ARPC2: variants seen among roughly 807,000 people sequenced by gnomAD.
ARPC2 encodes actin-related protein 2/3 complex subunit 2.
ARPC2 carries 4 observed loss-of-function variants against 38.6 expected under a neutral mutation model. The observed-to-expected ratio is 0.10, with a 90% CI of 0.05 to 0.24. The LOEUF is 0.24. ARPC2 is among the 10% of genes least tolerant of loss of function. The pLI, the probability that ARPC2 is intolerant of heterozygous loss-of-function variation, is 1.00. For missense variants in ARPC2, 229 were observed against 387.3 expected, an observed-to-expected ratio of 0.59 and a Z score of 3.43; for synonymous variants, 125 against 140.8, an observed-to-expected ratio of 0.89 and a Z score of 0.79.
In ARPC2 at chr2:218,217,561, G is replaced by T. The variant is rs1256077791; in HGVS notation, c.74+17G>T. The T allele has an allele frequency of 1.9e-6, 3 of 1,603,518 alleles. No homozygotes were observed. Among genetic ancestry groups the T allele is most frequent in the Non-Finnish European group, 2.6e-6 (3 of 1,174,600 alleles). On this transcript the variant is annotated intron_variant, in intron 2 of 10. Coordinates refer to ENST00000315717, the MANE Select transcript of ARPC2 (RefSeq NM_152862.3). Reference sequence around the variant, plus strand: ...GGCCGCCGGGTGAGCGCGCGCCCGGGGCCGGGGGTGGCGGGGGAAGCAGAG... The same window carrying T: ...GGCCGCCGGGTGAGCGCGCGCCCGGTGCCGGGGGTGGCGGGGGAAGCAGAG...
intron 4 of ARPC2, 28 bp from the exon 5 acceptor site, chr2:218,234,324 T>C: frequency 1.3e-6 from 2 of 1,538,964 alleles, no homozygotes; most frequent in Non-Finnish European, 1.8e-6. Context: ...ATTAACGTAT[T>C]TGGTTTTGTT....
chr2:218,233,405 C>T (rs1325906565), intron 4 of ARPC2: 5 of 151,788 alleles, frequency 3.3e-5, no homozygotes, highest in Non-Finnish European at 7.4e-5. Context: ...ACATTCAAAC[C>T]ATAGCAGAAG....
intron 4 of ARPC2, among the ~76,000 whole-genome samples, chr2:218,231,343 A>C (rs1196522306): frequency 6.6e-6 from 1 of 152,196 alleles, no homozygotes; most frequent in Non-Finnish European, 1.5e-5. Context: ...GTTGAACATG[A>C]TATAAATTTG....
intron 7 of ARPC2, among the ~76,000 whole-genome samples, chr2:218,243,159 T>A (rs1409024749): frequency 1.3e-5 from 2 of 152,244 alleles, no homozygotes; most frequent in Non-Finnish European, 2.9e-5. Context: ...TGATCTTTTT[T>A]TCCTAAATGG....
chr2:218,234,759 C>G, intron 5 of ARPC2: 1 of 475,602 alleles, frequency 2.1e-6, no homozygotes. Flanking sequence ...AGTAATTCTG[C>G]ATACTACATA....
Position 218,222,860 on chromosome 2 carries a change from T to G in ARPC2, c.75-3060T>G, listed in dbSNP as rs144953065. On this transcript the variant is annotated intron_variant, in intron 2 of 10. Transcript: ENST00000315717. ...TGGGGGTAGATATTGAATAAGTAACTACTACATATTAAGTAAGCACCGTGC... is the reference window on the plus strand; with the variant it reads ...TGGGGGTAGATATTGAATAAGTAACGACTACATATTAAGTAAGCACCGTGC... Among the ~76,000 whole-genome samples the G allele has an allele frequency of 4.8e-3, 738 of 152,284 alleles. 3 individuals are homozygous for G. Among genetic ancestry groups the G allele is most frequent in the Non-Finnish European group, 8.4e-3 (570 of 68,018 alleles).
chr2:218,237,093 C>T (rs1196833233), intron 5 of ARPC2, among the ~76,000 whole-genome samples: 2 of 152,162 alleles, frequency 1.3e-5, no homozygotes, highest in Non-Finnish European at 2.9e-5. Context: ...ATGTTCTGCA[C>T]CCGTATTGAT....
In ARPC2 at chr2:218,250,869, T is replaced by C. The variant is rs546485109; in HGVS notation, c.878+948T>C. On this transcript the variant is annotated intron_variant, in intron 10 of 10. Coordinates refer to ENST00000315717, the MANE Select transcript of ARPC2 (RefSeq NM_152862.3). ...GGTTTTTGTTTGTTTGTTTGTTTTT[T>C]GGTGGGGGTGTTGGGGGAGACAGAG... 3.9e-5 allele frequency among the ~76,000 whole-genome samples: 6 copies of C among 152,036 alleles called. 1 individual carries two copies. The South Asian group carries it at 1.2e-3, about 32-fold the overall frequency.
At chr2:218,240,144 G>A (rs1689879086) in intron 7 of ARPC2, among the ~76,000 whole-genome samples, 1 of 151,890 alleles carries the variant, frequency 6.6e-6, no homozygotes, top group African/African-American at 2.4e-5. Flanking sequence ...TAGTAGAGAT[G>A]GGGTTTCACC....
Position 218,217,839 on chromosome 2 carries a change from C to T in ARPC2, c.74+295C>T, listed in dbSNP as rs148987299. 5.9e-5 allele frequency among the ~76,000 whole-genome samples: 9 copies of T among 152,306 alleles called. No homozygotes were observed. The East Asian group carries it at 1.7e-3, about 29-fold the overall frequency. On this transcript the variant is annotated intron_variant, in intron 2 of 10. Coordinates refer to ENST00000315717, the MANE Select transcript of ARPC2 (RefSeq NM_152862.3). ...GGGACCCTGGAGCCGGAACTCGCTCCGGAGTAGCCCCCTGCCCTCTGGGGC... is the reference window on the plus strand; with the variant it reads ...GGGACCCTGGAGCCGGAACTCGCTCTGGAGTAGCCCCCTGCCCTCTGGGGC...
chr2:218,240,904 A>G (rs933673676), intron 7 of ARPC2, among the ~76,000 whole-genome samples: 7 of 138,034 alleles, frequency 5.1e-5, no homozygotes, highest in Admixed American at 2.2e-4. Flanking sequence ...AAAAAAAAAG[A>G]GAGTCCTGAG....
chr2:218,218,696 A>C (rs2106140878), intron 2 of ARPC2, among the ~76,000 whole-genome samples: 1 of 152,320 alleles, frequency 6.6e-6, no homozygotes, highest in Admixed American at 6.5e-5. Context: ...GTAGAGGGGA[A>C]TTTTTAAGTG....
At chr2:218,248,863 AC>A (rs1690112248) in intron 8 of ARPC2, among the ~76,000 whole-genome samples, 1 of 152,168 alleles carries the variant, frequency 6.6e-6, no homozygotes, top group Non-Finnish European at 1.5e-5. Flanking sequence ...TCAGGTCCTT[AC>A]ACCTTATTGT....
chr2:218,249,630 C>A, intron 9 of ARPC2, 166 bp downstream of exon 9: 1 of 728,548 alleles, frequency 1.4e-6, no homozygotes, highest in Non-Finnish European at 2.2e-6. Flanking sequence ...AGCCACTGTC[C>A]CCCATCCCTC....
chr2:218,243,376 G>A (rs754635884), intron 7 of ARPC2, among the ~76,000 whole-genome samples: 7 of 152,292 alleles, frequency 4.6e-5, no homozygotes, highest in African/African-American at 9.6e-5. Flanking sequence ...GCTTGATTAC[G>A]TATAACAAAG....
chr2:218,246,768 C>T (rs1437216089), intron 8 of ARPC2, among the ~76,000 whole-genome samples: 2 of 151,970 alleles, frequency 1.3e-5, no homozygotes, highest in South Asian at 2.1e-4. Flanking sequence ...GTCAGAAGTT[C>T]GAGACCAACC....
intron 8 of ARPC2, among the ~76,000 whole-genome samples, chr2:218,246,058 C>CA (rs1478837692): frequency 6.6e-6 from 1 of 150,450 alleles, no homozygotes; most frequent in Non-Finnish European, 1.5e-5. Context: ...TACTAAAATA[C>CA]AAAAAAAAAT....
chr2:218,243,595 T>G (rs961525459), intron 7 of ARPC2, among the ~76,000 whole-genome samples: 1 of 152,120 alleles, frequency 6.6e-6, no homozygotes, highest in Non-Finnish European at 1.5e-5. Flanking sequence ...GCCAACATGG[T>G]GAAACCCTGT....
chr2:218,222,461 C>T (rs547644446), intron 2 of ARPC2, among the ~76,000 whole-genome samples: 1 of 152,234 alleles, frequency 6.6e-6, no homozygotes, highest in South Asian at 2.1e-4. Context: ...AAGAATAGCT[C>T]TTAAAACCTG....
Sources: gnomAD v4.1 joint callset for allele counts (sites outside exome capture counted in the v4.1 genomes callset) on GRCh38, gnomAD v4.1.1 for gene constraint, MANE v1.5 for transcripts, NCBI Gene and HGNC (gene_info 2026-07-23, HGNC 2026-07-21) for gene names.